The following BAIAP2L1 variants were observed in gnomAD, a reference collection of about 807,000 sequenced individuals.
BAIAP2L1 encodes the protein BAR/IMD domain containing adaptor protein 2 like 1, also known as BAR/IMD domain-containing adapter protein 2-like 1.
BAIAP2L1 carries 35 observed loss-of-function variants against 66.3 expected under a neutral mutation model. The observed-to-expected ratio is 0.53, with a 90% CI of 0.40 to 0.70. BAIAP2L1 has a LOEUF of 0.70. BAIAP2L1 is among the 30% of genes least tolerant of loss of function. BAIAP2L1 has a pLI of 0.00. For missense variants in BAIAP2L1, 622 were observed against 656.9 expected (o/e 0.95, Z 0.58); for synonymous variants, 269 against 248.7 (o/e 1.08, Z -0.77).
rs563518771 is a variant in BAIAP2L1, at chr7:98,391,746, T to G, written c.51+9056A>C. Reference sequence around the variant, plus strand: ...AAAAAAAATCTAAAACTCAAGTCACTAAAATCATGATAAACCAGAAGGACT... The same window carrying G: ...AAAAAAAATCTAAAACTCAAGTCACGAAAATCATGATAAACCAGAAGGACT... On this transcript the variant is annotated intron_variant, in intron 1 of 13. Transcript: ENST00000005260. Among the ~76,000 whole-genome samples, 13 of 146,296 alleles carry G rather than the reference T, an allele frequency of 8.9e-5. 1 individual carries two copies. The South Asian group carries it at 2.8e-3, about 32-fold the overall frequency.
At chr7:98,388,667 T>G (rs1239412100) in intron 1 of BAIAP2L1, among the ~76,000 whole-genome samples, 1 of 152,184 alleles carries the variant, frequency 6.6e-6, no homozygotes, top group African/African-American at 2.4e-5. Context: ...GACATACCAT[T>G]TAGTCCATTA....
Position 98,307,687 on chromosome 7 carries a change from AC to A in BAIAP2L1, c.1163+1del. 1 of 1,613,790 alleles carries A rather than the reference AC, an allele frequency of 6.2e-7. No homozygotes were observed. The highest frequency in any genetic ancestry group is 8.5e-7 in the Non-Finnish European group (1 of 1,180,044). On this transcript the variant is annotated splice_donor_variant, in intron 10 of 13. Transcript: ENST00000005260. LOFTEE classifies it high-confidence loss of function. ...TGCGGGGACCATCACGCCCAGACTT[AC>A]GCCTTGGACACGTCGTGTTCTCCAT...
At chr7:98,310,363 T>G in intron 9 of BAIAP2L1, 82 bp downstream of exon 9, 1 of 1,478,226 alleles carries the variant, frequency 6.8e-7, no homozygotes, top group Non-Finnish European at 9.2e-7. Context: ...TTGCAATACA[T>G]TTATACAAAA....
At chr7:98,363,960 C>A (rs754898576) in intron 1 of BAIAP2L1, among the ~76,000 whole-genome samples, 10 of 152,050 alleles carry the variant, frequency 6.6e-5, no homozygotes, top group Non-Finnish European at 1.3e-4. Context: ...GTCTTATGCC[C>A]GAGAGCACTT....
chr7:98,331,161 C>T (rs576160103), intron 3 of BAIAP2L1, among the ~76,000 whole-genome samples: 71 of 152,184 alleles, frequency 4.7e-4, no homozygotes, highest in African/African-American at 1.5e-3. Context: ...CTTGAAGATA[C>T]GTCAACATAA....
rs534437377 is a variant in BAIAP2L1, at chr7:98,327,403, G to A, written c.215-7105C>T. Among the ~76,000 whole-genome samples, 469 of 151,280 alleles carry A rather than the reference G, an allele frequency of 3.1e-3. 1 individual carries two copies. Among genetic ancestry groups the A allele is most frequent in the Non-Finnish European group, 5.1e-3 (343 of 67,738 alleles). On this transcript the variant is annotated intron_variant, in intron 3 of 13. Transcript: ENST00000005260. Reference sequence around the variant, plus strand: ...AAATAAATAAATAAAGCCAGGCGTGGTGGCTCACGCCTGTAATCCCAGCAC... The same window carrying A: ...AAATAAATAAATAAAGCCAGGCGTGATGGCTCACGCCTGTAATCCCAGCAC...
chr7:98,320,897 C>T lies in BAIAP2L1; in HGVS notation c.215-599G>A, dbSNP rs369082098. Among the ~76,000 whole-genome samples, 197 of 152,312 alleles carry T rather than the reference C, an allele frequency of 1.3e-3. 1 individual carries two copies. Among genetic ancestry groups the T allele is most frequent in the African/African-American group, 4.4e-3 (182 of 41,564 alleles). ...TTTGAGACAGGGTCTGGCTCTGTCACGCAGGCTGGAGTGCAGTGGCACGAC... is the reference window on the plus strand; with the variant it reads ...TTTGAGACAGGGTCTGGCTCTGTCATGCAGGCTGGAGTGCAGTGGCACGAC... On this transcript the variant is annotated intron_variant, in intron 3 of 13. Transcript: ENST00000005260.
chr7:98,308,442 C>T (rs904791232), intron 9 of BAIAP2L1: 2 of 371,342 alleles, frequency 5.4e-6, no homozygotes, highest in Non-Finnish European at 1.1e-5. Context: ...GTGCCAGTCA[C>T]GATCTCAATG....
At chr7:98,302,178 C>T (rs183974113) in intron 12 of BAIAP2L1, among the ~76,000 whole-genome samples, 2 of 152,348 alleles carry the variant, frequency 1.3e-5, no homozygotes, top group East Asian at 3.9e-4. Context: ...TACAACCAGG[C>T]TTCTTCCATT....
At chr7:98,316,953 TCC>T (rs1801092850) in intron 6 of BAIAP2L1, among the ~76,000 whole-genome samples, 1 of 136,924 alleles carries the variant, frequency 7.3e-6, no homozygotes, top group Non-Finnish European at 1.6e-5. Flanking sequence ...AACCTCTGCC[TCC>T]CAAGTTCAAG....
intron 3 of BAIAP2L1, among the ~76,000 whole-genome samples, chr7:98,343,805 G>T (rs911860465): frequency 6.6e-6 from 1 of 152,174 alleles, no homozygotes; most frequent in South Asian, 2.1e-4. Context: ...TGGGCCAAAC[G>T]TCTCTGCTGC....
intron 11 of BAIAP2L1, among the ~76,000 whole-genome samples, chr7:98,304,964 C>T (rs1476473296): frequency 6.8e-6 from 1 of 148,050 alleles, no homozygotes; most frequent in African/African-American, 2.5e-5. Context: ...CTCCCTGGTT[C>T]AAGTGATTCT....
At chr7:98,334,072 CG>C (rs146501579) in intron 3 of BAIAP2L1, among the ~76,000 whole-genome samples, 1,784 of 152,046 alleles carry the variant, frequency 0.012, 40 homozygotes, top group African/African-American at 0.041. Context: ...CTAAACTTCC[CG>C]GGGGACTCAT....
intron 3 of BAIAP2L1, among the ~76,000 whole-genome samples, chr7:98,345,584 G>T (rs1188410074): frequency 1.3e-5 from 2 of 152,028 alleles, no homozygotes; most frequent in Non-Finnish European, 2.9e-5. Context: ...AATTAGCTGG[G>T]TGTGGTGGGG....
At chr7:98,373,464 C>A (rs534262154) in intron 1 of BAIAP2L1, among the ~76,000 whole-genome samples, 3 of 152,206 alleles carry the variant, frequency 2.0e-5, no homozygotes, top group Non-Finnish European at 4.4e-5. Context: ...TTATAAGATG[C>A]CATCTCAATA....
At chr7:98,381,169 T>C (rs946797000) in intron 1 of BAIAP2L1, among the ~76,000 whole-genome samples, 1 of 152,292 alleles carries the variant, frequency 6.6e-6, no homozygotes, top group South Asian at 2.1e-4. Context: ...GGCGTAGCAG[T>C]TGTTTTTCCA....
chr7:98,300,268 G>A (rs1391521128), intron 12 of BAIAP2L1, among the ~76,000 whole-genome samples: 1 of 151,646 alleles, frequency 6.6e-6, no homozygotes, highest in Admixed American at 6.6e-5. Flanking sequence ...CATTCCCCCT[G>A]CTCCCTGCTC....
chr7:98,378,899 C>T lies in BAIAP2L1; in HGVS notation c.52-16467G>A, dbSNP rs547050091. ...AGGCTGGTGTACAGTGGCGTGATCTCGGCTCACTGCAACCTCCGCCTCCCG... is the reference window on the plus strand; with the variant it reads ...AGGCTGGTGTACAGTGGCGTGATCTTGGCTCACTGCAACCTCCGCCTCCCG... On this transcript the variant is annotated intron_variant, in intron 1 of 13. Transcript: ENST00000005260. 1.3e-4 allele frequency among the ~76,000 whole-genome samples: 20 copies of T among 152,204 alleles called. No individual in the cohort carries two copies. The South Asian group carries it at 2.9e-3, about 22-fold the overall frequency.
intron 3 of BAIAP2L1, among the ~76,000 whole-genome samples, chr7:98,330,779 G>A (rs1400642550): frequency 2.6e-5 from 4 of 152,186 alleles, no homozygotes; most frequent in Admixed American, 6.5e-5. Flanking sequence ...AGAAGGCAAC[G>A]TGGGCACAGG....
Sources: allele counts gnomAD v4.1 joint callset (sites outside exome capture counted in the v4.1 genomes callset), GRCh38; gene constraint gnomAD v4.1.1; transcripts MANE v1.5; gene names NCBI Gene and HGNC (gene_info 2026-07-23, HGNC 2026-07-21).